The following TDRD9 variants were observed in gnomAD, a reference collection of about 807,000 sequenced individuals.
The protein encoded by TDRD9 is ATP-dependent RNA helicase TDRD9.
Under a neutral mutation model 172.6 loss-of-function variants are expected in TDRD9, and 124 were observed. That is an observed-to-expected ratio of 0.72 (90% confidence interval 0.62 to 0.83). TDRD9 has a LOEUF of 0.83. TDRD9 is among the 40% of genes least tolerant of loss of function. The probability of loss-of-function intolerance (pLI) is 0.00; values close to 1 mark genes in which losing one functional copy is unlikely to be tolerated. For synonymous variants in TDRD9, 619 were observed against 617.1 expected (o/e 1.00, Z -0.05); for missense variants, 1,479 against 1,714.1 (o/e 0.86, Z 2.42).
chr14:103,935,770 C>T (rs1239817401), intron 1 of TDRD9, among the ~76,000 whole-genome samples: 2 of 152,116 alleles, frequency 1.3e-5, no homozygotes, highest in African/African-American at 4.8e-5. Context: ...GAGTGAGGCC[C>T]ACTTTAATCA....
intron 1 of TDRD9, among the ~76,000 whole-genome samples, chr14:103,951,070 C>A (rs1227869536): frequency 1.3e-5 from 2 of 152,148 alleles, no homozygotes; most frequent in African/African-American, 4.8e-5. Context: ...AAATCATTTA[C>A]TGTGCTATGT....
intron 6 of TDRD9, among the ~76,000 whole-genome samples, chr14:103,974,061 G>A (rs891001031): frequency 6.6e-6 from 1 of 152,110 alleles, no homozygotes; most frequent in African/African-American, 2.4e-5. Context: ...AATTAGCCAG[G>A]TGTGGTGGTG....
In TDRD9 at chr14:104,011,106, G is replaced by A. The variant is rs538867600; in HGVS notation, c.2106+2640G>A. Among the ~76,000 whole-genome samples the A allele has an allele frequency of 1.6e-4, 24 of 152,256 alleles. No homozygotes were observed. In the East Asian group the frequency reaches 3.1e-3, roughly 20 times the overall value. ...TTTCTAGCTCTGTGACGGTCTTATGGGTCCACAGTTCTATACGTGTCCATG... is the reference window on the plus strand; with the variant it reads ...TTTCTAGCTCTGTGACGGTCTTATGAGTCCACAGTTCTATACGTGTCCATG... On this transcript the variant is annotated intron_variant, in intron 20 of 35. Coordinates refer to ENST00000409874, the MANE Select transcript of TDRD9 (RefSeq NM_153046.3).
rs397853010 is a variant in TDRD9 at position 103,983,056 on chromosome 14, CTTTTTTTTT to C, written c.1012-3144_1012-3136del. On this transcript the variant is annotated intron_variant, in intron 7 of 35. Transcript: ENST00000409874. ...CCCCACCTGGACTCGCTGTGGGTCA[CTTTTTTTTT>C]TTTTTTTTTTTTTTTTGAGACAGAG... Among the ~76,000 whole-genome samples the C allele has an allele frequency of 1.5e-4, 13 of 87,616 alleles. No individual in the cohort carries two copies. The Admixed American group carries it at 1.5e-3, about 10-fold the overall frequency. The allele number at this position is 87,616 out of a possible 152,430, so 57.5% of individuals were successfully genotyped here. A position where few individuals can be genotyped will look rare whatever the true frequency, so the allele number is the denominator to read the frequency against.
At chr14:103,956,436 C>CA (rs566899214) in intron 2 of TDRD9, among the ~76,000 whole-genome samples, 5 of 150,054 alleles carry the variant, frequency 3.3e-5, no homozygotes, top group South Asian at 2.1e-4. Flanking sequence ...GACTCCGTCT[C>CA]AAAAAAAAGA....
At chr14:104,006,919 T>C (rs2034459337) in intron 18 of TDRD9, 74 bp downstream of exon 18, 2 of 1,262,952 alleles carry the variant, frequency 1.6e-6, no homozygotes, top group Non-Finnish European at 1.1e-6. Context: ...CACAAACATA[T>C]GAGGTAGAGA....
rs145444016 is a variant in TDRD9, at chr14:103,976,540, C to T, written c.1011+987C>T. On this transcript the variant is annotated intron_variant, in intron 7 of 35. Transcript: ENST00000409874. ...CCTCCCAAAGTGCTGGGATTACAGG[C>T]ATGAGCCACCGCGCCTGGCCTATCC... Among the ~76,000 whole-genome samples the T allele has an allele frequency of 9.2e-3, 1,402 of 151,606 alleles. 10 individuals carry two copies. Among genetic ancestry groups the T allele is most frequent in the South Asian group, 0.036 (172 of 4,798 alleles).
At chr14:103,994,729 G>A in intron 11 of TDRD9, 126 bp downstream of exon 11, 2 of 704,860 alleles carry the variant, frequency 2.8e-6, no homozygotes, top group Non-Finnish European at 4.7e-6. Flanking sequence ...GAGAGGCTGA[G>A]GTGGGTGAAT....
chr14:103,928,643 A>C lies in TDRD9; in HGVS notation c.134A>C (p.Asp45Ala). Reference sequence around the variant, plus strand: ...GCCAGGGAGGAGGTGCAGCGCCAGGACGTGGCCCCCGGCGCTGGTCCCGCG... The same window carrying C: ...GCCAGGGAGGAGGTGCAGCGCCAGGCCGTGGCCCCCGGCGCTGGTCCCGCG... ...GAAREEVQRQ[D>A]VAPGAGPAAQ... The change falls in exon 1 of 36, where the codon GAC becomes GCC. Residue 45 changes from aspartate to alanine, a missense_variant. This residue lies in a region of TDRD9 where 1,413 missense variants were observed against 1,649.1 expected (regional missense o/e 0.86). Coordinates refer to ENST00000409874, the MANE Select transcript of TDRD9 (RefSeq NM_153046.3). The C allele has an allele frequency of 7.8e-7, 1 of 1,276,604 alleles. No homozygotes were observed. 79.1% of individuals were successfully genotyped at this position (1,276,604 alleles called of 1,614,324 possible).
Position 104,025,683 on chromosome 14 carries a change from T to A in TDRD9, c.2838T>A (p.His946Gln), listed in dbSNP as rs1414746580. Residue 946 changes from histidine to glutamine, a missense_variant, in exon 26 of 36, where the codon CAT becomes CAA. Transcript: ENST00000409874. ...TGGTGCCCTTGCCCACTCACCCACA[T>A]CCAGACTTGGTCTGTCTGGCACCTT... ...LTLVPLPTHP[H>Q]PDLVCLAPFA... 8.7e-6 allele frequency: 14 copies of A among 1,613,860 alleles called. No homozygotes were observed. The highest frequency in any genetic ancestry group is 1.2e-5 in the Non-Finnish European group (14 of 1,179,870).
At chr14:104,044,146 G>T (rs578196020) in intron 34 of TDRD9, among the ~76,000 whole-genome samples, 1 of 152,220 alleles carries the variant, frequency 6.6e-6, no homozygotes, top group South Asian at 2.1e-4. Context: ...CACAGGGACC[G>T]CTGCCAGTCA....
chr14:103,928,475 G>A lies in TDRD9; in HGVS notation c.-35G>A. On this transcript the variant is annotated 5_prime_UTR_variant, in exon 1 of 36. Coordinates refer to ENST00000409874, the MANE Select transcript of TDRD9 (RefSeq NM_153046.3). ...TCGCCTGTTCCCGCCGCGGAGACCC[G>A]GCAGTTGGGGGATGCCGACGCCTGG... The A allele has an allele frequency of 3.5e-6, 5 of 1,426,834 alleles. No homozygotes were observed. Among genetic ancestry groups the A allele is most frequent in the Non-Finnish European group, 4.6e-6 (5 of 1,080,670 alleles). 88.4% of individuals were successfully genotyped at this position (1,426,834 alleles called of 1,614,324 possible).
At chr14:103,946,137 T>A (rs1409881611) in intron 1 of TDRD9, among the ~76,000 whole-genome samples, 2 of 152,048 alleles carry the variant, frequency 1.3e-5, no homozygotes, top group Non-Finnish European at 2.9e-5. Context: ...GACTAATTTT[T>A]AAATGTTTGG....
At chr14:103,961,714 CTG>C (rs1279467814) in intron 2 of TDRD9, among the ~76,000 whole-genome samples, 4 of 152,072 alleles carry the variant, frequency 2.6e-5, no homozygotes, top group African/African-American at 4.8e-5. Context: ...TCTGGTTCCT[CTG>C]TTTATATAAT....
At chr14:104,031,010 T>G (rs1566795342) in intron 28 of TDRD9, 98 bp from the exon 29 acceptor site, 2 of 1,082,578 alleles carry the variant, frequency 1.8e-6, no homozygotes, top group Non-Finnish European at 1.3e-6. Context: ...GACATAGAAA[T>G]CAGAGTAACA....
At chr14:104,002,875 C>T (rs909383977) in intron 13 of TDRD9, among the ~76,000 whole-genome samples, 2 of 151,856 alleles carry the variant, frequency 1.3e-5, no homozygotes, top group African/African-American at 4.8e-5. Flanking sequence ...GGACTACAGG[C>T]GCGCACCCCT....
intron 3 of TDRD9, among the ~76,000 whole-genome samples, chr14:103,964,082 A>T (rs1259139337): frequency 6.6e-6 from 1 of 152,008 alleles, no homozygotes; most frequent in African/African-American, 2.4e-5. Context: ...TCTCTACAAA[A>T]CACACCCCCC....
chr14:103,951,958 C>CG (rs1453886870), intron 1 of TDRD9, among the ~76,000 whole-genome samples: 3 of 150,336 alleles, frequency 2.0e-5, no homozygotes, highest in Non-Finnish European at 3.0e-5. Context: ...TTAGTAGAGA[C>CG]GGGGTTTCAC....
chr14:104,049,585 A>G (rs2035883261), intron 34 of TDRD9, 23 bp from the exon 35 acceptor site: 2 of 1,514,170 alleles, frequency 1.3e-6, no homozygotes, highest in Non-Finnish European at 8.9e-7. Context: ...TAATTAAGAT[A>G]ATTTCTTTTT....
Sources: allele counts gnomAD v4.1 joint callset (sites outside exome capture counted in the v4.1 genomes callset), GRCh38; gene constraint gnomAD v4.1.1; regional missense constraint gnomAD v4.1.1; transcripts MANE v1.5; gene names NCBI Gene and HGNC (gene_info 2026-07-23, HGNC 2026-07-21).